The following INTS4 variants were observed in gnomAD, a reference collection of about 807,000 sequenced individuals.
INTS4 encodes the protein integrator complex subunit 4.
Under a neutral mutation model 119.5 loss-of-function variants are expected in INTS4, and 70 were observed. The observed-to-expected ratio is 0.59, with a 90% CI of 0.48 to 0.71. The LOEUF (loss-of-function observed/expected upper bound fraction) is 0.71. Among genes scored for constraint, INTS4 ranks in the 30% least tolerant of loss-of-function variants. INTS4 has a pLI of 0.00. For missense variants in INTS4, 867 were observed against 1,173.2 expected, an observed-to-expected ratio of 0.74 and a Z score of 3.81; for synonymous variants, 316 against 419.6, an observed-to-expected ratio of 0.75 and a Z score of 3.02.
At chr11:77,965,141 T>C (rs886648198) in intron 4 of INTS4, among the ~76,000 whole-genome samples, 1 of 152,204 alleles carries the variant, frequency 6.6e-6, no homozygotes, top group Middle Eastern at 3.4e-3. Context: ...ATAGCTCACA[T>C]AGCCTGGAAC....
rs115523938 is a variant in INTS4, at chr11:77,988,564, G to A, written c.246+2544C>T. ...TGGAGAAAACAAAATCAAGGAAGGG[G>A]ACTAGGAAGTGCGGGGTGGGGATAG... On this transcript the variant is annotated intron_variant, in intron 2 of 22. Transcript: ENST00000534064. 8.7e-3 allele frequency among the ~76,000 whole-genome samples: 1,332 copies of A among 152,250 alleles called. 20 individuals are homozygous for A. Among genetic ancestry groups the A allele is most frequent in the African/African-American group, 0.029 (1,215 of 41,536 alleles).
chr11:77,888,902 T>G (rs900611354), intron 21 of INTS4, among the ~76,000 whole-genome samples: 3 of 152,106 alleles, frequency 2.0e-5, no homozygotes, highest in Non-Finnish European at 2.9e-5. Flanking sequence ...TTAGAATGGC[T>G]ATCATTAAAA....
intron 13 of INTS4, among the ~76,000 whole-genome samples, 169 bp downstream of exon 13, chr11:77,922,187 C>T (rs2136481614): frequency 6.7e-6 from 1 of 150,034 alleles, no homozygotes; most frequent in South Asian, 2.1e-4. Flanking sequence ...GAGATCAGGC[C>T]ACTGCACTCC....
chr11:77,981,819 G>A (rs1403822635), intron 2 of INTS4, among the ~76,000 whole-genome samples: 4 of 151,904 alleles, frequency 2.6e-5, no homozygotes, highest in Non-Finnish European at 5.9e-5. Context: ...CTGGAGTGCA[G>A]TGCGTGATCT....
At chr11:77,979,834 C>G (rs937678683) in intron 3 of INTS4, among the ~76,000 whole-genome samples, 2 of 151,470 alleles carry the variant, frequency 1.3e-5, no homozygotes, top group Admixed American at 1.3e-4. Context: ...AAAAAATAGC[C>G]AGGCATGGTG....
rs183957164 is a variant in INTS4, at chr11:77,932,346, A to G, written c.1166-3799T>C. On this transcript the variant is annotated intron_variant, in intron 10 of 22. Transcript: ENST00000534064. The stretch of plus-strand genomic sequence containing the variant: ...GAAGACATTTATGCGACCAACAAAC[A>G]TATTAAAAAAAGCTCATCATCACTG... 1.3e-4 allele frequency among the ~76,000 whole-genome samples: 20 copies of G among 152,344 alleles called. No homozygotes were observed. The East Asian group carries it at 3.9e-3, about 29-fold the overall frequency.
At chr11:77,928,663 G>A in intron 10 of INTS4, 116 bp from the exon 11 acceptor site, 1 of 1,437,958 alleles carries the variant, frequency 7.0e-7, no homozygotes, top group Non-Finnish European at 9.3e-7. Context: ...CCTATGCAAT[G>A]TGGTAAAACT....
chr11:77,966,495 T>C (rs1855508662), intron 4 of INTS4, among the ~76,000 whole-genome samples: 1 of 152,238 alleles, frequency 6.6e-6, no homozygotes, highest in Admixed American at 6.5e-5. Flanking sequence ...GGGTCTAATT[T>C]CATTCTCCTG....
At chr11:77,946,014 G>A (rs1238718817) in intron 8 of INTS4, among the ~76,000 whole-genome samples, 3 of 152,318 alleles carry the variant, frequency 2.0e-5, no homozygotes, top group South Asian at 4.1e-4. Context: ...AGGCCACCGC[G>A]GCAAAGGCCT....
At chr11:77,912,211 A>T (rs1320841163) in intron 15 of INTS4, among the ~76,000 whole-genome samples, 1 of 152,064 alleles carries the variant, frequency 6.6e-6, no homozygotes, top group Non-Finnish European at 1.5e-5. Context: ...AAATACAAAA[A>T]ATTAGCCAGG....
At chr11:77,967,606 A>G (rs1855556530) in intron 4 of INTS4, among the ~76,000 whole-genome samples, 1 of 152,190 alleles carries the variant, frequency 6.6e-6, no homozygotes, top group Admixed American at 6.5e-5. Context: ...TAAGCCAAGT[A>G]TCAAACGCAA....
intron 8 of INTS4, among the ~76,000 whole-genome samples, chr11:77,954,851 G>T (rs967673848): frequency 6.6e-6 from 1 of 152,142 alleles, no homozygotes; most frequent in Non-Finnish European, 1.5e-5. Flanking sequence ...CCACAGCCTG[G>T]GGGTTTGAGC....
At chr11:77,907,444 C>T (rs935467339) in intron 16 of INTS4, among the ~76,000 whole-genome samples, 8 of 152,144 alleles carry the variant, frequency 5.3e-5, no homozygotes, top group African/African-American at 1.9e-4. Context: ...TTATACAAAA[C>T]ATTTACAACC....
chr11:77,898,079 A>T (rs950404628), intron 18 of INTS4, among the ~76,000 whole-genome samples: 1 of 152,080 alleles, frequency 6.6e-6, no homozygotes, highest in Non-Finnish European at 1.5e-5. Flanking sequence ...GGCCTCCCAA[A>T]GTCTGGGATT....
At chr11:77,892,196 T>C (rs1370614375) in intron 19 of INTS4, among the ~76,000 whole-genome samples, 1 of 152,226 alleles carries the variant, frequency 6.6e-6, no homozygotes, top group Non-Finnish European at 1.5e-5. Flanking sequence ...CAAGCACTAT[T>C]TTAGGTTCTG....
intron 18 of INTS4, among the ~76,000 whole-genome samples, chr11:77,899,734 T>C (rs1410465709): frequency 6.6e-6 from 1 of 152,026 alleles, no homozygotes; most frequent in Non-Finnish European, 1.5e-5. Context: ...AACATTAGTA[T>C]CTTTATATAA....
chr11:77,931,309 A>C (rs1298934752), intron 10 of INTS4, among the ~76,000 whole-genome samples: 3 of 152,268 alleles, frequency 2.0e-5, no homozygotes, highest in Non-Finnish European at 4.4e-5. Flanking sequence ...ACTACACTAG[A>C]GTGAACAGCC....
At chr11:77,876,821 A>C (rs1321840489), downstream of INTS4, 3 of 600,794 alleles carry the variant, frequency 5.0e-6, no homozygotes, top group Non-Finnish European at 8.9e-6. Flanking sequence ...ATGAGGGCTA[A>C]CTTGGAGGAT....
intron 4 of INTS4, among the ~76,000 whole-genome samples, chr11:77,967,558 T>C (rs1190426798): frequency 1.3e-5 from 2 of 152,056 alleles, no homozygotes; most frequent in African/African-American, 2.4e-5. Flanking sequence ...ATTTTGGGGA[T>C]CAAATAACTC....
Sources: allele counts gnomAD v4.1 joint callset (sites outside exome capture counted in the v4.1 genomes callset), GRCh38; gene constraint gnomAD v4.1.1; transcripts MANE v1.5; gene names NCBI Gene and HGNC (gene_info 2026-07-23, HGNC 2026-07-21).